Variants in LGI4 observed in about 807,000 individuals in gnomAD.
LGI4 encodes leucine rich repeat LGI family member 4, also known as leucine-rich repeat LGI family member 4.
In LGI4, 36 loss-of-function variants were observed where a neutral mutation model predicts 48.3. The ratio of observed to expected loss-of-function variants is 0.75; its 90% CI spans 0.57 to 0.98. LGI4 has a LOEUF of 0.98. Ranked by LOEUF, LGI4 falls within the 50% of genes least tolerant of loss-of-function variation. The pLI is 0.00. For missense variants in LGI4, 701 were observed against 732.1 expected (o/e 0.96, Z 0.49); for synonymous variants, 355 against 331.6 (o/e 1.07, Z -0.77).
Position 35,126,681 on chromosome 19 carries a change from C to G in LGI4, c.888G>C (p.Arg296=). ...GGGCCAGGCGCAGGCCGGGACTGGG[C>G]CGGGCCCACAGCTGTGAGCCCCCCC... The part of the protein sequence containing the change: ...RLWGGSQLWA[R]PSPGLRLAPT... The change falls in exon 8 of 9, where the codon CGG becomes CGC. Residue 296 remains arginine, a synonymous_variant. Transcript: ENST00000310123. 1 of 1,535,712 alleles carries G rather than the reference C, an allele frequency of 6.5e-7. No homozygotes were observed. Among genetic ancestry groups the G allele is most frequent in the African/African-American group, 1.4e-5 (1 of 73,290 alleles).
rs368281245 is a variant in LGI4 at position 35,133,299 on chromosome 19, A to G, written c.314+394T>C. 16 of 1,072,836 alleles carry G rather than the reference A, an allele frequency of 1.5e-5. No homozygotes were observed. In the African/African-American group the frequency reaches 2.4e-4, roughly 16 times the overall value. The allele number at this position is 1,072,836 out of a possible 1,614,324, so 66.5% of individuals were successfully genotyped here. A position where few individuals can be genotyped will look rare whatever the true frequency, so the allele number is the denominator to read the frequency against. ...CGTCAGCACCACCCTCAACACCACC[A>G]CAGTATCACCACCACTACCTAATTC... On this transcript the variant is annotated intron_variant, in intron 3 of 8. Coordinates refer to ENST00000310123, the MANE Select transcript of LGI4 (RefSeq NM_139284.3).
chr19:35,128,966 C>T (rs985600683), intron 6 of LGI4, among the ~76,000 whole-genome samples: 2 of 152,182 alleles, frequency 1.3e-5, no homozygotes, highest in Non-Finnish European at 2.9e-5. Flanking sequence ...AACATCCCCA[C>T]TTGAGAGAAG....
In LGI4 at chr19:35,125,926, C is replaced by G. The variant is rs28469420; in HGVS notation, c.1299+344G>C. 2,070 of 525,144 alleles carry G rather than the reference C, an allele frequency of 3.9e-3. 42 individuals carry two copies. Among genetic ancestry groups the G allele is most frequent in the African/African-American group, 0.036 (1,891 of 52,898 alleles). The allele number at this position is 525,144 out of a possible 1,614,324, so 32.5% of individuals were successfully genotyped here. The stretch of plus-strand genomic sequence containing the variant: ...GACTCAGAACCCTCCCCTGCCTGCA[C>G]CTCACTCCAGAAACAGTGGGCAGTG... On this transcript the variant is annotated intron_variant, in intron 8 of 8. Coordinates refer to ENST00000310123, the MANE Select transcript of LGI4 (RefSeq NM_139284.3).
intron 1 of LGI4, 140 bp from the exon 2 acceptor site, chr19:35,134,244 G>A (rs2065194314): frequency 2.4e-6 from 2 of 841,734 alleles, no homozygotes; most frequent in Admixed American, 2.1e-5. Context: ...GAGGAGGCAG[G>A]CATTTGCCCT....
intron 6 of LGI4, among the ~76,000 whole-genome samples, chr19:35,130,286 T>G (rs2065165972): frequency 6.6e-6 from 1 of 152,248 alleles, no homozygotes; most frequent in Non-Finnish European, 1.5e-5. Context: ...ATTTCTTTTC[T>G]CAGTCTCTCT....
intron 6 of LGI4, among the ~76,000 whole-genome samples, chr19:35,130,039 C>T (rs2065164190): frequency 6.6e-6 from 1 of 152,184 alleles, no homozygotes. Flanking sequence ...CATCCAGGCA[C>T]AGTACCTTTC....
At chr19:35,131,725 G>C in intron 5 of LGI4, 64 bp downstream of exon 5, 1 of 1,427,936 alleles carries the variant, frequency 7.0e-7, no homozygotes, top group Non-Finnish European at 9.6e-7. Flanking sequence ...AAGTGGGCAC[G>C]GATGCCCCCC....
At chr19:35,133,600 G>T in intron 3 of LGI4, 93 bp downstream of exon 3, 1 of 1,503,244 alleles carries the variant, frequency 6.7e-7, no homozygotes. Context: ...CTGCTCCTCA[G>T]GGCCACAGCT....
intron 5 of LGI4, 104 bp from the exon 6 acceptor site, chr19:35,131,659 A>C: frequency 6.9e-7 from 1 of 1,446,296 alleles, no homozygotes; most frequent in African/African-American, 1.4e-5. Flanking sequence ...GGGGCCCCAT[A>C]GTGGTAAGAA....
At chr19:35,131,346 C>G in intron 6 of LGI4, 40 bp downstream of exon 6, 1 of 1,550,188 alleles carries the variant, frequency 6.5e-7, no homozygotes, top group Non-Finnish European at 8.7e-7. Context: ...GCCTTTCCCC[C>G]AGATCTCCCG....
chr19:35,134,612 T>TG lies in LGI4; in HGVS notation c.68dup (p.Cys27ValfsTer9). 2 of 1,587,586 alleles carry TG rather than the reference T, an allele frequency of 1.3e-6. No individual in the cohort carries two copies. Among genetic ancestry groups the TG allele is most frequent in the African/African-American group, 1.3e-5 (1 of 74,736 alleles). ...AGCAGCGCAGGGGACACTTTCCCTT[T>TG]GGGGGTCTCCAGGCCACCACCACCC... On this transcript the variant is annotated frameshift_variant, in exon 1 of 9. Coordinates refer to ENST00000310123, the MANE Select transcript of LGI4 (RefSeq NM_139284.3). LOFTEE classifies it high-confidence loss of function.
intron 6 of LGI4, among the ~76,000 whole-genome samples, chr19:35,130,553 C>G (rs991297347): frequency 1.3e-5 from 2 of 152,116 alleles, no homozygotes; most frequent in African/African-American, 4.8e-5. Context: ...AAAAATTAGC[C>G]AGGCACAGTA....
In LGI4 at chr19:35,134,869, A is replaced by G. The variant is rs1367096532; in HGVS notation, c.-189T>C. The G allele has an allele frequency of 2.0e-6, 1 of 505,768 alleles. No individual in the cohort carries two copies. The highest frequency in any genetic ancestry group is 3.5e-6 in the Non-Finnish European group (1 of 289,684). 31.3% of individuals were successfully genotyped at this position (505,768 alleles called of 1,614,324 possible). On this transcript the variant is annotated 5_prime_UTR_variant, in exon 1 of 9. Coordinates refer to ENST00000310123, the MANE Select transcript of LGI4 (RefSeq NM_139284.3). ...CCTGTTCGTATGTCTTTGGTGTCTA[A>G]TTTTCTGTTTCTCTTTCTCCCTGTC...
intron 6 of LGI4, among the ~76,000 whole-genome samples, chr19:35,128,246 T>C (rs1568394685): frequency 6.6e-6 from 1 of 152,242 alleles, no homozygotes; most frequent in Non-Finnish European, 1.5e-5. Context: ...GCACCAAGGC[T>C]GCTCCGCTTG....
At chr19:35,130,439 C>CT (rs1180438225) in intron 6 of LGI4, among the ~76,000 whole-genome samples, 1 of 152,162 alleles carries the variant, frequency 6.6e-6, no homozygotes, top group South Asian at 2.1e-4. Context: ...AATCCCAGCA[C>CT]TTTGGGAGGC....
chr19:35,124,722 C>T lies in LGI4; in HGVS notation c.*471G>A, dbSNP rs1021209676. 7 of 153,446 alleles carry T rather than the reference C, an allele frequency of 4.6e-5. No individual in the cohort carries two copies. Among genetic ancestry groups the T allele is most frequent in the African/African-American group, 1.4e-4 (6 of 41,520 alleles). The allele number at this position is 153,446 out of a possible 1,614,324, so 9.5% of individuals were successfully genotyped here. On this transcript the variant is annotated 3_prime_UTR_variant, in exon 9 of 9. Transcript: ENST00000310123. ...GGGAACCCGCCCAGTGCTGAGTTGT[C>T]TTCGAGGTTGGCGCTCCTCCAGGAA...
Position 35,126,486 on chromosome 19 carries a change from C to T in LGI4, c.1083G>A (p.Trp361Ter). The change falls in exon 8 of 9, where the codon TGG (tryptophan) becomes TGA (stop). Residue 361 changes from tryptophan to a stop codon, truncating the protein, a stop_gained. Coordinates refer to ENST00000310123, the MANE Select transcript of LGI4 (RefSeq NM_139284.3). LOFTEE classifies it high-confidence loss of function. ...GFYPHQSLHAWHRDTDAEALE... is the reference protein window; with the variant it reads ...GFYPHQSLHA ...GGGCCTCAGCGTCCGTGTCCCGGTG[C>T]CAGGCGTGCAGGCTCTGGTGCGGGT... 6.4e-7 allele frequency: 1 copy of T among 1,562,162 alleles called. No homozygotes were observed. Among genetic ancestry groups the T allele is most frequent in the Non-Finnish European group, 8.6e-7 (1 of 1,158,014 alleles).
At chr19:35,129,411 A>G (rs1428140196) in intron 6 of LGI4, among the ~76,000 whole-genome samples, 1 of 152,174 alleles carries the variant, frequency 6.6e-6, no homozygotes, top group Admixed American at 6.6e-5. Context: ...AAAGGAAGAC[A>G]TAAGAAACTC....
At chr19:35,133,859 C>A in intron 2 of LGI4, 95 bp from the exon 3 acceptor site, 1 of 1,398,564 alleles carries the variant, frequency 7.2e-7, no homozygotes. Flanking sequence ...TGGGCATGGG[C>A]ACGCAGGTGT....
Sources: gnomAD v4.1 joint callset for allele counts (sites outside exome capture counted in the v4.1 genomes callset) on GRCh38, gnomAD v4.1.1 for gene constraint, MANE v1.5 for transcripts, NCBI Gene and HGNC (gene_info 2026-07-23, HGNC 2026-07-21) for gene names.